ALDH1L2: variants seen among roughly 807,000 people sequenced by gnomAD.
The protein encoded by ALDH1L2 is mitochondrial 10-formyltetrahydrofolate dehydrogenase.
In ALDH1L2, 91 loss-of-function variants were observed where a neutral mutation model predicts 111.0. The observed-to-expected ratio is 0.82, with a 90% CI of 0.69 to 0.98. The LOEUF is 0.98. ALDH1L2 is among the 50% of genes least tolerant of loss of function. ALDH1L2 has a pLI of 0.00. For synonymous variants in ALDH1L2, 374 were observed against 392.6 expected, an observed-to-expected ratio of 0.95 and a Z score of 0.56; for missense variants, 995 against 1,126.8, an observed-to-expected ratio of 0.88 and a Z score of 1.67.
At chr12:105,062,679 C>G (rs1025152471) in intron 7 of ALDH1L2, among the ~76,000 whole-genome samples, 3 of 152,230 alleles carry the variant, frequency 2.0e-5, no homozygotes, top group Non-Finnish European at 2.9e-5. Context: ...ACATCCTTAT[C>G]TCCCCACTGA....
At chr12:105,078,997 T>C (rs1319460272) in intron 1 of ALDH1L2, among the ~76,000 whole-genome samples, 1 of 152,218 alleles carries the variant, frequency 6.6e-6, no homozygotes, top group African/African-American at 2.4e-5. Context: ...ATTGGGACCT[T>C]ATTGTGAAGA....
At position 105,038,108 on chromosome 12, in the gene ALDH1L2, G is replaced by A. The variant is rs376554461; in HGVS notation, c.2140C>T (p.Arg714Ter). The A allele has an allele frequency of 2.5e-6, 4 of 1,612,504 alleles. No homozygotes were observed. The highest frequency in any genetic ancestry group is 3.4e-6 in the Non-Finnish European group (4 of 1,178,980). Residue 714 changes from arginine (R) to a stop codon, truncating the protein, a stop_gained, in exon 18 of 23, where the codon CGA (arginine) becomes TGA (stop). Transcript: ENST00000258494. LOFTEE classifies it high-confidence loss of function. ...TAAATTTGACCCTCTCTTACCATTC[G>A]CACAGCCTTGTCAAGTTCACAGTCA... The part of the protein sequence containing the change: ...FNDCELDKAV[R>*]MGMGAVFFNK...
intron 1 of ALDH1L2, among the ~76,000 whole-genome samples, chr12:105,079,659 T>C (rs1878241539): frequency 6.6e-6 from 1 of 152,164 alleles, no homozygotes; most frequent in Non-Finnish European, 1.5e-5. Flanking sequence ...GAATTTACTA[T>C]AATATTTTAA....
chr12:105,071,743 G>A (rs1210273674), intron 2 of ALDH1L2, among the ~76,000 whole-genome samples: 4 of 126,764 alleles, frequency 3.2e-5, no homozygotes, highest in Non-Finnish European at 4.7e-5. Context: ...TGCAAGCCCC[G>A]CCTCCCGGGT....
chr12:105,035,938 GTATA>G (rs1221175246), intron 18 of ALDH1L2, among the ~76,000 whole-genome samples: 3 of 101,334 alleles, frequency 3.0e-5, no homozygotes, highest in African/African-American at 1.6e-4. Flanking sequence ...ATTTATATGT[GTATA>G]TATATTATAT....
rs148980475 is a variant in ALDH1L2, at chr12:105,080,085, C to T, written c.48+4304G>A. Among the ~76,000 whole-genome samples, 247 of 152,300 alleles carry T rather than the reference C, an allele frequency of 1.6e-3. 3 individuals carry two copies. Among genetic ancestry groups the T allele is most frequent in the African/African-American group, 5.6e-3 (231 of 41,560 alleles). On this transcript the variant is annotated intron_variant, in intron 1 of 22. Transcript: ENST00000258494. ...TTTCAATATGTCATTATTACAAATA[C>T]CATGGCAATGAATATCATGGTACAT...
chr12:105,034,983 CATAA>C (rs375314124), intron 18 of ALDH1L2, among the ~76,000 whole-genome samples: 9 of 139,878 alleles, frequency 6.4e-5, no homozygotes, highest in South Asian at 2.2e-4. Context: ...GATTCCATCT[CATAA>C]ATAAATAAAT....
At chr12:105,068,293 A>C (rs7310548) in intron 4 of ALDH1L2, among the ~76,000 whole-genome samples, 1,808 of 152,150 alleles carry the variant, frequency 0.012, 51 homozygotes, top group African/African-American at 0.042. Context: ...TTACCCCAGA[A>C]TACGTCTGGA....
At chr12:105,062,332 A>G (rs1877048315) in intron 7 of ALDH1L2, among the ~76,000 whole-genome samples, 1 of 113,020 alleles carries the variant, frequency 8.8e-6, no homozygotes, top group South Asian at 3.3e-4. Flanking sequence ...AGAACCTGGA[A>G]CTAGCGGCCT....
In ALDH1L2 at chr12:105,039,742, G is replaced by A. The variant is rs781082268; in HGVS notation, c.2016C>T (p.Ser672=). 2 of 1,613,862 alleles carry A rather than the reference G, an allele frequency of 1.2e-6. No homozygotes were observed. Among genetic ancestry groups the A allele is most frequent in the African/African-American group, 2.7e-5 (2 of 74,890 alleles). Residue 672 remains serine, a synonymous_variant, in exon 17 of 23, where the codon TCC becomes TCT. Coordinates refer to ENST00000258494, the MANE Select transcript of ALDH1L2 (RefSeq NM_001034173.4). ...TCATGATCTGTTTGCCAATAGGAGTGGATCCAGTGAAACCAAGTTTGCGGA... is the reference window on the plus strand; with the variant it reads ...TCATGATCTGTTTGCCAATAGGAGTAGATCCAGTGAAACCAAGTTTGCGGA... ...PDIRKLGFTG[S]TPIGKQIMKS... is the part of the protein sequence containing the mutation.
intron 13 of ALDH1L2, chr12:105,047,514 G>T (rs990393009): frequency 6.4e-6 from 1 of 155,550 alleles, no homozygotes; most frequent in Non-Finnish European, 1.4e-5. Context: ...AACCTTCAGG[G>T]TGGAGGTCAC....
intron 12 of ALDH1L2, chr12:105,050,348 A>C (rs1299753892): frequency 4.7e-6 from 1 of 214,052 alleles, no homozygotes; most frequent in Non-Finnish European, 9.2e-6. Context: ...AGTCATTGGA[A>C]CCACATTCCC....
intron 1 of ALDH1L2, among the ~76,000 whole-genome samples, chr12:105,078,094 A>T (rs556235843): frequency 1.6e-4 from 24 of 152,198 alleles, no homozygotes; most frequent in Non-Finnish European, 2.6e-4. Context: ...GAGGTGGCAC[A>T]TTACTGGCCT....
intron 5 of ALDH1L2, among the ~76,000 whole-genome samples, chr12:105,065,966 T>A (rs1428724718): frequency 6.6e-6 from 1 of 152,170 alleles, no homozygotes; most frequent in African/African-American, 2.4e-5. Context: ...AAGCTGAACT[T>A]ATGGCTCCAG....
Position 105,031,788 on chromosome 12 carries a change from T to TC in ALDH1L2, c.2390dup (p.Arg798LysfsTer38). 6.2e-7 allele frequency: 1 copy of TC among 1,614,112 alleles called. No homozygotes were observed. The highest frequency in any genetic ancestry group is 8.5e-7 in the Non-Finnish European group (1 of 1,179,992). ...TCTTACCTGGCCTTTGGACTTGTCT[T>TC]CCCCCGTACACCAAAGTGGCCCCTT... is the stretch of plus-strand genomic sequence containing the variant. On this transcript the variant is annotated frameshift_variant, in exon 20 of 23. Transcript: ENST00000258494. LOFTEE classifies it high-confidence loss of function.
rs2136038298 is a variant in ALDH1L2 at position 105,020,476 on chromosome 12, A to G, written c.*3948T>C. ...TTACTTAACCTCTCCATTTGAAAGC[A>G]AACATTTATTGGGCTCCTGTTACAC... On this transcript the variant is annotated 3_prime_UTR_variant, in exon 23 of 23. Coordinates refer to ENST00000258494, the MANE Select transcript of ALDH1L2 (RefSeq NM_001034173.4). 6.6e-6 allele frequency: 1 copy of G among 152,356 alleles called. No individual in the cohort carries two copies. The highest frequency in any genetic ancestry group is 1.9e-4 in the East Asian group (1 of 5,190). 9.4% of individuals were successfully genotyped at this position (152,356 alleles called of 1,614,324 possible). A position where few individuals can be genotyped will look rare whatever the true frequency, so the allele number is the denominator to read the frequency against.
rs188359370 is a variant in ALDH1L2, at chr12:105,057,042, G to A, written c.1287+1031C>T. 8.6e-5 allele frequency among the ~76,000 whole-genome samples: 13 copies of A among 151,372 alleles called. No homozygotes were observed. In the South Asian group the frequency reaches 1.9e-3, roughly 22 times the overall value. ...TAAGGATCTAGTATCGAAAATATACGAAGGACGCTTAAGACTCAGCAATAA... is the reference window on the plus strand; with the variant it reads ...TAAGGATCTAGTATCGAAAATATACAAAGGACGCTTAAGACTCAGCAATAA... On this transcript the variant is annotated intron_variant, in intron 10 of 22. Coordinates refer to ENST00000258494, the MANE Select transcript of ALDH1L2 (RefSeq NM_001034173.4).
At chr12:105,027,486 G>A (rs1874473293) in intron 21 of ALDH1L2, among the ~76,000 whole-genome samples, 1 of 152,158 alleles carries the variant, frequency 6.6e-6, no homozygotes, top group Non-Finnish European at 1.5e-5. Flanking sequence ...TGCCATTGTC[G>A]AGGTGGGAGA....
chr12:105,084,136 C>A (rs1318427008), intron 1 of ALDH1L2, among the ~76,000 whole-genome samples: 3 of 152,232 alleles, frequency 2.0e-5, no homozygotes, highest in African/African-American at 7.2e-5. Context: ...CGTCCAAAAA[C>A]TGCATCCTCA....
Sources: gnomAD v4.1 joint callset for allele counts (sites outside exome capture counted in the v4.1 genomes callset) on GRCh38, gnomAD v4.1.1 for gene constraint, MANE v1.5 for transcripts, NCBI Gene and HGNC (gene_info 2026-07-23, HGNC 2026-07-21) for gene names.